PCDH11X: variants seen among roughly 807,000 people sequenced by gnomAD.
The protein encoded by PCDH11X is protocadherin-11 X-linked.
A neutral mutation model predicts 53.3 loss-of-function variants in PCDH11X; 18 were observed. That is an observed-to-expected ratio of 0.34 (90% CI 0.23 to 0.50). The LOEUF is 0.50. PCDH11X is among the 20% of genes least tolerant of loss of function. PCDH11X has a pLI of 0.98. For synonymous variants in PCDH11X, 279 were observed against 393.3 expected (o/e 0.71, Z 3.44); for missense variants, 570 against 1,032.4 (o/e 0.55, Z 6.14).
At chrX:92,389,448 G>A (rs2071078509) in intron 9 of PCDH11X, among the ~76,000 whole-genome samples, 1 of 111,098 alleles carries the variant, frequency 9.0e-6, no homozygotes, top group Non-Finnish European at 1.9e-5. Flanking sequence ...ATATAGAAAT[G>A]GGATAAGTAT....
chrX:92,450,904 T>G (rs1269258152), intron 9 of PCDH11X, among the ~76,000 whole-genome samples: 1 of 111,577 alleles, frequency 9.0e-6, no homozygotes, highest in Non-Finnish European at 1.9e-5. Flanking sequence ...AGTGGCATCC[T>G]AGCTGAGGTG....
At chrX:92,318,348 G>A (rs756935463) in intron 8 of PCDH11X, among the ~76,000 whole-genome samples, 1 of 111,824 alleles carries the variant, frequency 8.9e-6, no homozygotes, top group East Asian at 2.8e-4. Context: ...AACCAGAAAA[G>A]TCTTGCCTGT....
At chrX:92,551,691 A>C (rs2074957083) in intron 10 of PCDH11X, among the ~76,000 whole-genome samples, 1 of 110,816 alleles carries the variant, frequency 9.0e-6, no homozygotes, top group African/African-American at 3.3e-5. Flanking sequence ...TTGAAGTCTT[A>C]GATTTAAATA....
At chrX:92,558,810 A>G (rs2075087962) in intron 10 of PCDH11X, among the ~76,000 whole-genome samples, 1 of 111,513 alleles carries the variant, frequency 9.0e-6, no homozygotes. Context: ...ACTTGCTGGT[A>G]TCTTAACTTA....
intron 8 of PCDH11X, among the ~76,000 whole-genome samples, chrX:92,383,641 CA>C (rs1419396321): frequency 9.0e-6 from 1 of 111,302 alleles, no homozygotes; most frequent in Non-Finnish European, 1.9e-5. Flanking sequence ...CATGTCCCTG[CA>C]AAGGAAATGA....
At chrX:91,786,834 G>T (rs1935351166) in intron 1 of PCDH11X, among the ~76,000 whole-genome samples, 1 of 110,039 alleles carries the variant, frequency 9.1e-6, no homozygotes, top group Admixed American at 9.8e-5. Flanking sequence ...ATCCCTTCTT[G>T]CCTCTCTTTT....
intron 5 of PCDH11X, among the ~76,000 whole-genome samples, chrX:91,851,191 T>C (rs1171144008): frequency 8.9e-6 from 1 of 111,745 alleles, no homozygotes; most frequent in Admixed American, 9.5e-5. Flanking sequence ...TTACTGACTG[T>C]ACATCAGAAA....
At chrX:92,461,218 A>G (rs1238749205) in intron 9 of PCDH11X, among the ~76,000 whole-genome samples, 13 of 110,083 alleles carry the variant, frequency 1.2e-4, no homozygotes, top group African/African-American at 4.0e-4. Flanking sequence ...CCTAAAATTT[A>G]TATGGAACCA....
chrX:92,134,824 C>G (rs1394648176), intron 6 of PCDH11X, among the ~76,000 whole-genome samples: 1 of 111,222 alleles, frequency 9.0e-6, no homozygotes, highest in Non-Finnish European at 1.9e-5. Flanking sequence ...AGAGGTCACT[C>G]TTGTTGCCTT....
At position 92,241,697 on chromosome X, in the gene PCDH11X, A is replaced by G. The variant is rs1219372688; in HGVS notation, c.3115-21417A>G. 2.7e-5 allele frequency among the ~76,000 whole-genome samples: 3 copies of G among 111,941 alleles called. No homozygotes were observed. In the Admixed American group the frequency reaches 2.9e-4, roughly 11 times the overall value. On this transcript the variant is annotated intron_variant, in intron 7 of 10. Transcript: ENST00000682573. ...ACAGCCAATATATTATGCCTCAGAC[A>G]TGACAACTTGTTGGCTTCTCAAAAT...
intron 6 of PCDH11X, among the ~76,000 whole-genome samples, chrX:92,164,052 G>A (rs2065689474): frequency 8.9e-6 from 1 of 111,777 alleles, no homozygotes. Context: ...AAGAATTATT[G>A]TTTTTCAAAT....
intron 6 of PCDH11X, among the ~76,000 whole-genome samples, chrX:92,056,022 G>T (rs1056934007): frequency 4.6e-5 from 5 of 109,606 alleles, no homozygotes; most frequent in African/African-American, 1.7e-4. Flanking sequence ...CTTTATAATA[G>T]AATGATTTAT....
intron 5 of PCDH11X, among the ~76,000 whole-genome samples, chrX:91,840,056 T>C (rs181659437): frequency 6.0e-4 from 67 of 111,042 alleles, no homozygotes; most frequent in African/African-American, 1.9e-3. Flanking sequence ...ATTGTAAGTA[T>C]TTTTTGACAG....
At chrX:92,383,373 C>A (rs1242227449) in intron 8 of PCDH11X, among the ~76,000 whole-genome samples, 1 of 106,731 alleles carries the variant, frequency 9.4e-6, no homozygotes, top group Non-Finnish European at 1.9e-5. Flanking sequence ...ATGTGCAGAA[C>A]GTGCAGGTGT....
chrX:92,024,663 C>A (rs2148004568), intron 6 of PCDH11X, among the ~76,000 whole-genome samples: 1 of 90,065 alleles, frequency 1.1e-5, no homozygotes, highest in Non-Finnish European at 2.2e-5. Context: ...GCAAAAACTA[C>A]TTTAAATTTC....
rs764556275 is a variant in PCDH11X at position 92,496,678 on chromosome X, C to T, written c.3367+28356C>T. On this transcript the variant is annotated intron_variant, in intron 10 of 10. Transcript: ENST00000682573. ...TAGAAACCAAAGTAATTCCACCTTTCTGGGGACAAGCCCAGATATGTAAAC... is the reference window on the plus strand; with the variant it reads ...TAGAAACCAAAGTAATTCCACCTTTTTGGGGACAAGCCCAGATATGTAAAC... Among the ~76,000 whole-genome samples, 88 of 107,778 alleles carry T rather than the reference C, an allele frequency of 8.2e-4. 8 individuals carry two copies. Among genetic ancestry groups the T allele is most frequent in the African/African-American group, 3.0e-3 (83 of 27,698 alleles). 93.6% of individuals were successfully genotyped at this position (107,778 alleles called of 115,157 possible).
intron 8 of PCDH11X, among the ~76,000 whole-genome samples, chrX:92,330,503 A>G (rs1351330703): frequency 1.8e-5 from 2 of 110,243 alleles, no homozygotes; most frequent in Non-Finnish European, 3.8e-5. Context: ...ACATGTTGGA[A>G]AACAGTTGGT....
chrX:92,255,712 A>G (rs2148404540), intron 7 of PCDH11X, among the ~76,000 whole-genome samples: 1 of 112,134 alleles, frequency 8.9e-6, no homozygotes. Flanking sequence ...GTGAGGTGTC[A>G]GTGTGCCCCT....
chrX:92,338,032 T>TG (rs976694047), intron 8 of PCDH11X, among the ~76,000 whole-genome samples: 2 of 110,633 alleles, frequency 1.8e-5, no homozygotes, highest in African/African-American at 6.6e-5. Context: ...GTGAGAGGGT[T>TG]GGGGGGGTGT....
Sources: gnomAD v4.1 joint callset for allele counts (sites outside exome capture counted in the v4.1 genomes callset) on GRCh38, gnomAD v4.1.1 for gene constraint, MANE v1.5 for transcripts, NCBI Gene and HGNC (gene_info 2026-07-23, HGNC 2026-07-21) for gene names.